KIAA1328: variants seen among roughly 807,000 people sequenced by gnomAD.
KIAA1328 encodes protein hinderin.
In KIAA1328, 52 loss-of-function variants were observed where a neutral mutation model predicts 68.1. The observed-to-expected ratio is 0.76, with a 90% CI of 0.61 to 0.96. The LOEUF (loss-of-function observed/expected upper bound fraction) is 0.96. Ranked by LOEUF, KIAA1328 falls within the 40% of genes least tolerant of loss-of-function variation. KIAA1328 has a pLI of 0.00. For missense variants in KIAA1328, 641 were observed against 677.6 expected, an observed-to-expected ratio of 0.95 and a Z score of 0.60; for synonymous variants, 232 against 239.4, an observed-to-expected ratio of 0.97 and a Z score of 0.28.
intron 4 of KIAA1328, among the ~76,000 whole-genome samples, chr18:36,859,964 A>G (rs1158447334): frequency 6.6e-6 from 1 of 150,502 alleles, no homozygotes; most frequent in Non-Finnish European, 1.5e-5. Flanking sequence ...ATTTCTCTCT[A>G]AATGTTTTCT....
At chr18:37,017,436 T>C (rs980072964) in intron 6 of KIAA1328, among the ~76,000 whole-genome samples, 12 of 152,184 alleles carry the variant, frequency 7.9e-5, no homozygotes, top group Admixed American at 7.9e-4. Flanking sequence ...ATGTATATTC[T>C]GTGGTTGATG....
chr18:36,958,575 C>T (rs766634683), intron 5 of KIAA1328, among the ~76,000 whole-genome samples: 5 of 152,118 alleles, frequency 3.3e-5, no homozygotes, highest in African/African-American at 4.8e-5. Context: ...TTTTTATTTA[C>T]ATTTCCCTAA....
intron 6 of KIAA1328, among the ~76,000 whole-genome samples, chr18:37,007,547 T>G (rs76631451): frequency 0.014 from 2,111 of 152,242 alleles, 50 homozygotes; most frequent in African/African-American, 0.049. Context: ...ACTCTAAAAT[T>G]TCAAAGTGCC....
chr18:37,107,240 A>G (rs1332264196), intron 7 of KIAA1328, among the ~76,000 whole-genome samples: 3 of 152,202 alleles, frequency 2.0e-5, no homozygotes, highest in African/African-American at 7.2e-5. Flanking sequence ...CTCTGTCTTA[A>G]AAAACAAACA....
chr18:36,940,577 C>T (rs2050670235), intron 5 of KIAA1328, among the ~76,000 whole-genome samples: 1 of 151,946 alleles, frequency 6.6e-6, no homozygotes. Context: ...TTTATCCTGA[C>T]TTCCCTTTTA....
chr18:36,983,063 G>A (rs182573848), intron 6 of KIAA1328, among the ~76,000 whole-genome samples: 10 of 151,964 alleles, frequency 6.6e-5, no homozygotes, highest in African/African-American at 2.4e-4. Context: ...GAGAGAAAGC[G>A]CTTGCAATAG....
chr18:37,208,693 C>T (rs1019498055), intron 9 of KIAA1328, among the ~76,000 whole-genome samples: 3 of 152,112 alleles, frequency 2.0e-5, no homozygotes, highest in Admixed American at 6.5e-5. Flanking sequence ...AAATGATTTC[C>T]ACTCAGACGG....
intron 6 of KIAA1328, among the ~76,000 whole-genome samples, chr18:36,973,292 G>A (rs539623659): frequency 2.5e-4 from 38 of 151,622 alleles, no homozygotes; most frequent in Non-Finnish European, 4.7e-4. Context: ...CATGGACACA[G>A]GGTAGGGAAC....
intron 8 of KIAA1328, among the ~76,000 whole-genome samples, chr18:37,172,736 C>T (rs920080041): frequency 6.6e-6 from 1 of 152,120 alleles, no homozygotes; most frequent in African/African-American, 2.4e-5. Flanking sequence ...GGTTTAAAAA[C>T]AAAATCTCTA....
At chr18:36,967,957 T>C (rs2052012491) in intron 6 of KIAA1328, among the ~76,000 whole-genome samples, 1 of 152,134 alleles carries the variant, frequency 6.6e-6, no homozygotes, top group Admixed American at 6.6e-5. Flanking sequence ...AATCTATGAC[T>C]CATTGGCATC....
chr18:37,041,640 TTGTGTG>T (rs56237948), intron 6 of KIAA1328, among the ~76,000 whole-genome samples: 23,016 of 146,822 alleles, frequency 0.16, 1,971 homozygotes, highest in Admixed American at 0.19. Context: ...TTTTTTGTGT[TTGTGTG>T]TGTGTGTGTG....
At chr18:37,191,253 A>C (rs1224759754) in intron 9 of KIAA1328, among the ~76,000 whole-genome samples, 1 of 152,166 alleles carries the variant, frequency 6.6e-6, no homozygotes, top group Non-Finnish European at 1.5e-5. Context: ...TTTTAAATTT[A>C]ACTTCTTTTA....
intron 6 of KIAA1328, among the ~76,000 whole-genome samples, chr18:36,990,564 G>A (rs756692772): frequency 9.2e-5 from 14 of 151,870 alleles, no homozygotes; most frequent in Non-Finnish European, 1.8e-4. Flanking sequence ...ATCCCAGTTC[G>A]GGAGGCTGAG....
At chr18:36,942,704 C>T (rs868534152) in intron 5 of KIAA1328, among the ~76,000 whole-genome samples, 2 of 152,094 alleles carry the variant, frequency 1.3e-5, no homozygotes, top group Non-Finnish European at 2.9e-5. Flanking sequence ...TCTTGTGCCA[C>T]CCACTAGACC....
intron 6 of KIAA1328, among the ~76,000 whole-genome samples, chr18:37,065,036 T>G (rs1034651244): frequency 8.5e-5 from 13 of 152,178 alleles, no homozygotes; most frequent in Non-Finnish European, 1.9e-4. Context: ...ATATATTTGT[T>G]TACTGAAAAA....
intron 6 of KIAA1328, among the ~76,000 whole-genome samples, chr18:37,041,511 G>T (rs2055244581): frequency 6.6e-6 from 1 of 151,892 alleles, no homozygotes; most frequent in African/African-American, 2.4e-5. Context: ...GTGGTTGAAT[G>T]ACTTAATTTA....
At chr18:37,145,870 C>T (rs1478925928) in intron 7 of KIAA1328, among the ~76,000 whole-genome samples, 1 of 151,998 alleles carries the variant, frequency 6.6e-6, no homozygotes, top group African/African-American at 2.4e-5. Flanking sequence ...TTGTGAACAA[C>T]GTGTGATTTT....
At chr18:37,135,382 ATAG>A (rs1203357220) in intron 7 of KIAA1328, among the ~76,000 whole-genome samples, 12 of 152,170 alleles carry the variant, frequency 7.9e-5, no homozygotes, top group African/African-American at 2.4e-4. Flanking sequence ...GACTTTTAAA[ATAG>A]TAGCCATTCT....
intron 8 of KIAA1328, 71 bp from the exon 9 acceptor site, chr18:37,172,902 A>G: frequency 8.8e-7 from 1 of 1,138,572 alleles, no homozygotes; most frequent in Non-Finnish European, 1.3e-6. Flanking sequence ...TGTCTTATAA[A>G]TTTACTAAGA....
Sources: gnomAD v4.1 joint callset for allele counts (sites outside exome capture counted in the v4.1 genomes callset) on GRCh38, gnomAD v4.1.1 for gene constraint, MANE v1.5 for transcripts, NCBI Gene and HGNC (gene_info 2026-07-23, HGNC 2026-07-21) for gene names.